Variants in SOX5 observed in about 807,000 individuals in gnomAD.
The protein encoded by SOX5 is transcription factor SOX-5.
SOX5 carries 9 observed loss-of-function variants against 92.0 expected under a neutral mutation model. The ratio of observed to expected loss-of-function variants is 0.10; its 90% CI spans 0.06 to 0.17. The LOEUF (loss-of-function observed/expected upper bound fraction) is 0.17, where lower values mean the gene tolerates loss of function less well. Ranked by LOEUF, SOX5 falls within the 10% of genes least tolerant of loss-of-function variation. SOX5 has a pLI of 1.00. For synonymous variants in SOX5, 344 were observed against 336.3 expected, an observed-to-expected ratio of 1.02 and a Z score of -0.25; for missense variants, 642 against 944.5, an observed-to-expected ratio of 0.68 and a Z score of 4.20.
At chr12:24,427,912 T>G (rs1365790817) in intron 1 of SOX5, among the ~76,000 whole-genome samples, 1 of 152,110 alleles carries the variant, frequency 6.6e-6, no homozygotes, top group Non-Finnish European at 1.5e-5. Flanking sequence ...ATACCCCCAT[T>G]CAGAAGTCTA....
intron 3 of SOX5, among the ~76,000 whole-genome samples, chr12:23,843,018 A>C (rs529940884): frequency 5.1e-4 from 78 of 152,302 alleles, no homozygotes; most frequent in African/African-American, 1.8e-3. Flanking sequence ...GAAAGTATGT[A>C]ACTGACATGA....
chr12:23,550,983 C>T (rs1004705891), intron 11 of SOX5, among the ~76,000 whole-genome samples: 1 of 151,908 alleles, frequency 6.6e-6, no homozygotes, highest in Non-Finnish European at 1.5e-5. Flanking sequence ...TGGGATTCAG[C>T]TAAGTGATGA....
At chr12:24,236,039 A>C (rs1311415462) in intron 3 of SOX5, among the ~76,000 whole-genome samples, 2 of 151,914 alleles carry the variant, frequency 1.3e-5, no homozygotes, top group Non-Finnish European at 2.9e-5. Context: ...AAAACACAAA[A>C]AAATTAGCCG....
In SOX5 at chr12:24,489,136, T is replaced by C. The variant is rs138962126; in HGVS notation, c.-251+73193A>G. On this transcript the variant is annotated intron_variant, in intron 1 of 4. Transcript: ENST00000446891. ...TGACCTTTTTATGCCAACACACACG[T>C]CCAAATCTCTTAAAGAGGCAAGCAG... Among the ~76,000 whole-genome samples, 374 of 152,278 alleles carry C rather than the reference T, an allele frequency of 2.5e-3. 1 individual carries two copies. The highest frequency in any genetic ancestry group is 8.6e-3 in the African/African-American group (357 of 41,558).
At chr12:23,898,585 A>G (rs1403388927) in intron 1 of SOX5, among the ~76,000 whole-genome samples, 2 of 152,258 alleles carry the variant, frequency 1.3e-5, no homozygotes, top group African/African-American at 4.8e-5. Flanking sequence ...AGGTAGACTG[A>G]CAAGACATTG....
intron 3 of SOX5, among the ~76,000 whole-genome samples, chr12:23,774,502 G>A (rs912869935): frequency 2.0e-5 from 3 of 152,008 alleles, no homozygotes; most frequent in South Asian, 2.1e-4. Flanking sequence ...ATGATATTCT[G>A]CTGAGTCAAA....
Position 23,607,888 on chromosome 12 carries a change from T to C in SOX5, c.1018-3355A>G, listed in dbSNP as rs111378128. 3.2e-3 allele frequency among the ~76,000 whole-genome samples: 492 copies of C among 152,160 alleles called. 3 individuals are homozygous for C. The highest frequency in any genetic ancestry group is 0.01 in the African/African-American group (423 of 41,516). On this transcript the variant is annotated intron_variant, in intron 8 of 14. Coordinates refer to ENST00000451604, the MANE Select transcript of SOX5 (RefSeq NM_006940.6). ...CCAAAGTTAAACATAAGGTATATTATGATGAATGTATTTTTATGATAGTGA... is the reference window on the plus strand; with the variant it reads ...CCAAAGTTAAACATAAGGTATATTACGATGAATGTATTTTTATGATAGTGA...
Position 24,401,805 on chromosome 12 carries a change from G to A in SOX5, c.-250-33166C>T, listed in dbSNP as rs978230843. 2.7e-5 allele frequency among the ~76,000 whole-genome samples: 4 copies of A among 148,092 alleles called. No individual in the cohort carries two copies. In the South Asian group the frequency reaches 6.4e-4, roughly 24 times the overall value. ...TCAGTTTTGCCTCCTAGCCTACAAA[G>A]CCTAAAATATTTACTCTCTAGCCCT... On this transcript the variant is annotated intron_variant, in intron 1 of 4. Coordinates refer to the SOX5 transcript ENST00000446891.
intron 2 of SOX5, among the ~76,000 whole-genome samples, chr12:24,366,739 C>T (rs572907623): frequency 5.9e-5 from 9 of 152,048 alleles, no homozygotes; most frequent in Non-Finnish European, 1.2e-4. Flanking sequence ...GTACTCTGTA[C>T]TCTTGACTGC....
intron 2 of SOX5, among the ~76,000 whole-genome samples, chr12:24,324,058 G>GTCCT (rs1950451527): frequency 6.6e-6 from 1 of 152,150 alleles, no homozygotes. Flanking sequence ...TTTGCTGTCA[G>GTCCT]TTGCTCATAC....
intron 1 of SOX5, among the ~76,000 whole-genome samples, chr12:24,428,938 T>C (rs1180839917): frequency 3.3e-5 from 5 of 151,960 alleles, no homozygotes; most frequent in African/African-American, 7.3e-5. Flanking sequence ...CTTGGACAAG[T>C]TGTGTGGTCT....
At chr12:23,751,157 T>C (rs1355578545) in intron 4 of SOX5, among the ~76,000 whole-genome samples, 2 of 151,894 alleles carry the variant, frequency 1.3e-5, no homozygotes, top group African/African-American at 4.8e-5. Flanking sequence ...GACTACATGT[T>C]GTGTACCTTC....
rs527605909 is a variant in SOX5 at position 24,128,012 on chromosome 12, A to G, written c.-2+85331T>C. Among the ~76,000 whole-genome samples the G allele has an allele frequency of 2.0e-5, 3 of 152,346 alleles. No individual in the cohort carries two copies. The South Asian group carries it at 6.2e-4, about 32-fold the overall frequency. On this transcript the variant is annotated intron_variant, in intron 4 of 4. Transcript: ENST00000446891. ...TTTCTTATGAGTAATGTTTTACACC[A>G]TAAATCAAACTAGTTTTTAGTGGTG...
intron 1 of SOX5, among the ~76,000 whole-genome samples, chr12:24,501,910 T>G (rs1948245870): frequency 6.6e-6 from 1 of 152,072 alleles, no homozygotes; most frequent in African/African-American, 2.4e-5. Flanking sequence ...AAGAAAGAAA[T>G]TAATTGTCGA....
chr12:23,993,983 G>T (rs146479014), intron 4 of SOX5, among the ~76,000 whole-genome samples: 1 of 151,908 alleles, frequency 6.6e-6, no homozygotes, highest in African/African-American at 2.4e-5. Context: ...GTGTGGTGGC[G>T]TGTGTCTGTA....
At chr12:24,234,380 T>C (rs1280959675) in intron 3 of SOX5, among the ~76,000 whole-genome samples, 1 of 152,144 alleles carries the variant, frequency 6.6e-6, no homozygotes, top group East Asian at 1.9e-4. Flanking sequence ...TTACCTATCA[T>C]GTTAAAGAGA....
chr12:24,554,038 C>T (rs140421868), intron 1 of SOX5, among the ~76,000 whole-genome samples: 1 of 152,278 alleles, frequency 6.6e-6, no homozygotes, highest in African/African-American at 2.4e-5. Context: ...AAGCAGTTCC[C>T]AGTGCAAGAG....
chr12:24,124,811 T>A (rs1159964936), intron 4 of SOX5, among the ~76,000 whole-genome samples: 1 of 152,206 alleles, frequency 6.6e-6, no homozygotes. Flanking sequence ...AATTTAGTCA[T>A]TCAGCATATA....
chr12:23,988,708 G>A (rs985156522), intron 4 of SOX5, among the ~76,000 whole-genome samples: 3 of 152,190 alleles, frequency 2.0e-5, no homozygotes, highest in Non-Finnish European at 4.4e-5. Flanking sequence ...AGACTTGTTA[G>A]TACTCATGAG....
Sources: gnomAD v4.1 joint callset for allele counts (sites outside exome capture counted in the v4.1 genomes callset) on GRCh38, gnomAD v4.1.1 for gene constraint, MANE v1.5 for transcripts, NCBI Gene and HGNC (gene_info 2026-07-23, HGNC 2026-07-21) for gene names.